Variants in SLCO1A2 observed in about 807,000 individuals in gnomAD.
SLCO1A2 encodes the protein OATP-1.
A neutral mutation model predicts 69.0 loss-of-function variants in SLCO1A2; 67 were observed. The observed-to-expected ratio is 0.97, with a 90% CI of 0.80 to 1.19. SLCO1A2 has a LOEUF of 1.19. Among genes scored for constraint, SLCO1A2 ranks in the 50% most tolerant of loss-of-function variants. SLCO1A2 has a pLI of 0.00. For missense variants in SLCO1A2, 787 were observed against 793.7 expected (o/e 0.99, Z 0.10); for synonymous variants, 260 against 265.9 (o/e 0.98, Z 0.22).
intron 12 of SLCO1A2, among the ~76,000 whole-genome samples, chr12:21,286,829 C>T (rs1945894201): frequency 7.0e-6 from 1 of 142,962 alleles, no homozygotes; most frequent in African/African-American, 2.7e-5. Flanking sequence ...GAAACTGGAT[C>T]CCTTCCTTAC....
chr12:21,268,737 G>A lies in SLCO1A2; in HGVS notation c.*811C>T, dbSNP rs940132929. On this transcript the variant is annotated 3_prime_UTR_variant, in exon 15 of 15. Transcript: ENST00000683939. ...TCGGTCTAAAGAGTCCTGAATCTTA[G>A]AAAGTGGTTCTTTGACAATATCTGA... 2.0e-5 allele frequency: 3 copies of A among 152,000 alleles called. No homozygotes were observed. The highest frequency in any genetic ancestry group is 4.4e-5 in the Non-Finnish European group (3 of 67,956). The allele number at this position is 152,000 out of a possible 1,614,324, so 9.4% of individuals were successfully genotyped here.
At chr12:21,400,994 A>G (rs1190436902) in intron 1 of SLCO1A2, among the ~76,000 whole-genome samples, 1 of 151,262 alleles carries the variant, frequency 6.6e-6, no homozygotes, top group Non-Finnish European at 1.5e-5. Flanking sequence ...AACCTGCACA[A>G]TGTGCACATG....
chr12:21,307,180 C>A (rs1427330413), intron 4 of SLCO1A2, among the ~76,000 whole-genome samples, 192 bp from the exon 5 acceptor site: 1 of 152,144 alleles, frequency 6.6e-6, no homozygotes, highest in Non-Finnish European at 1.5e-5. Flanking sequence ...TGTAAATGAA[C>A]AATCTTTTTA....
intron 1 of SLCO1A2, among the ~76,000 whole-genome samples, chr12:21,402,912 A>G (rs1033627918): frequency 6.6e-6 from 1 of 152,166 alleles, no homozygotes; most frequent in Admixed American, 6.6e-5. Flanking sequence ...TTTGAATTTT[A>G]AAAGAAAACT....
At chr12:21,338,210 C>A (rs1261184634), upstream of SLCO1A2, among the ~76,000 whole-genome samples, 3 of 151,868 alleles carry the variant, frequency 2.0e-5, no homozygotes, top group Non-Finnish European at 2.9e-5. Flanking sequence ...AACTCCTTTA[C>A]CTAAGTCTAG....
At chr12:21,349,966 C>T (rs1316972867) in intron 2 of SLCO1A2, among the ~76,000 whole-genome samples, 4 of 152,202 alleles carry the variant, frequency 2.6e-5, no homozygotes, top group African/African-American at 9.7e-5. Context: ...CTCTCAATCA[C>T]TTCCCCTTCC....
intron 1 of SLCO1A2, among the ~76,000 whole-genome samples, chr12:21,392,449 G>T (rs1941208015): frequency 6.6e-6 from 1 of 152,160 alleles, no homozygotes; most frequent in Admixed American, 6.5e-5. Context: ...CCAGTCCCCT[G>T]TGTCTCCCAA....
At chr12:21,381,838 T>C (rs188240008) in intron 1 of SLCO1A2, among the ~76,000 whole-genome samples, 1 of 152,180 alleles carries the variant, frequency 6.6e-6, no homozygotes, top group African/African-American at 2.4e-5. Flanking sequence ...TAGATATTCG[T>C]GTAAATGTGG....
chr12:21,413,701 G>A (rs900996993), intron 1 of SLCO1A2, among the ~76,000 whole-genome samples: 1 of 152,084 alleles, frequency 6.6e-6, no homozygotes, highest in Non-Finnish European at 1.5e-5. Flanking sequence ...CAGGAGCCTC[G>A]CATAGCCTTC....
intron 4 of SLCO1A2, among the ~76,000 whole-genome samples, chr12:21,309,661 T>C (rs1949861132): frequency 6.6e-6 from 1 of 152,206 alleles, no homozygotes; most frequent in Non-Finnish European, 1.5e-5. Context: ...TTCTCTTGTA[T>C]ACTTTCTTGG....
chr12:21,331,490 A>G (rs1952614027), intron 2 of SLCO1A2, among the ~76,000 whole-genome samples: 1 of 152,162 alleles, frequency 6.6e-6, no homozygotes, highest in African/African-American at 2.4e-5. Context: ...AGTTGGTCAA[A>G]TCTGATGGGA....
In SLCO1A2 at chr12:21,288,286, A is replaced by G. The variant is rs947190688; in HGVS notation, c.1610+3878T>C. On this transcript the variant is annotated intron_variant, in intron 12 of 14. Transcript: ENST00000683939. ...ATAAAACACTGTTTCTACTAAAAAT[A>G]CAAAAATTAGTGGGTGTGGTGGTGC... is the stretch of plus-strand genomic sequence containing the variant. 2.0e-5 allele frequency among the ~76,000 whole-genome samples: 3 copies of G among 152,096 alleles called. No homozygotes were observed. The East Asian group carries it at 5.8e-4, about 29-fold the overall frequency.
intron 1 of SLCO1A2, among the ~76,000 whole-genome samples, chr12:21,413,099 T>C (rs1591923158): frequency 6.7e-6 from 1 of 149,168 alleles, no homozygotes; most frequent in South Asian, 2.1e-4. Context: ...TTTTGTATTA[T>C]TTTTTTTGAT....
chr12:21,334,795 C>G, intron 1 of SLCO1A2, 32 bp downstream of exon 1: 1 of 618,284 alleles, frequency 1.6e-6, no homozygotes, highest in Non-Finnish European at 2.8e-6. Flanking sequence ...AAATGAACAA[C>G]ATAATTGAAA....
At chr12:21,325,561 T>A (rs562470198) in intron 2 of SLCO1A2, among the ~76,000 whole-genome samples, 6 of 152,254 alleles carry the variant, frequency 3.9e-5, no homozygotes, top group Non-Finnish European at 7.4e-5. Flanking sequence ...GCTCCCTCAT[T>A]ATAACCTTTG....
chr12:21,319,412 T>G, intron 2 of SLCO1A2: 1 of 1,367,974 alleles, frequency 7.3e-7, no homozygotes, highest in Non-Finnish European at 9.8e-7. Context: ...CTTGCAATTC[T>G]TGGTCAGAAA....
chr12:21,410,960 T>C (rs1259782700), intron 1 of SLCO1A2, among the ~76,000 whole-genome samples: 5 of 152,208 alleles, frequency 3.3e-5, no homozygotes, highest in Admixed American at 3.3e-4. Context: ...CGAGTAAAGA[T>C]TCTTTGTGTA....
Position 21,301,175 on chromosome 12 carries a change from G to A in SLCO1A2, c.684C>T (p.Asn228=). The part of the protein sequence containing the change: ...ANVYVDTGFV[N]TDDLIITPTD... Reference sequence around the variant, plus strand: ...AAATAGATTTTATTGAATTACCTGTGTTCACAAATCCAGTGTCAACATAAA... The same window carrying A: ...AAATAGATTTTATTGAATTACCTGTATTCACAAATCCAGTGTCAACATAAA... Residue 228 remains asparagine, a synonymous_variant, in exon 7 of 15, where the codon AAC becomes AAT. Coordinates refer to ENST00000683939, the MANE Select transcript of SLCO1A2 (RefSeq NM_001386879.1). 6.2e-7 allele frequency: 1 copy of A among 1,606,348 alleles called. No individual in the cohort carries two copies. The highest frequency in any genetic ancestry group is 8.5e-7 in the Non-Finnish European group (1 of 1,174,176).
intron 2 of SLCO1A2, among the ~76,000 whole-genome samples, chr12:21,369,218 C>A (rs1939609938): frequency 6.6e-6 from 1 of 152,106 alleles, no homozygotes; most frequent in Non-Finnish European, 1.5e-5. Context: ...TCCTGACACT[C>A]ATGTTTATCT....
Sources: gnomAD v4.1 joint callset for allele counts (sites outside exome capture counted in the v4.1 genomes callset) on GRCh38, gnomAD v4.1.1 for gene constraint, MANE v1.5 for transcripts, NCBI Gene and HGNC (gene_info 2026-07-23, HGNC 2026-07-21) for gene names.